IL2RA: variants seen among roughly 807,000 people sequenced by gnomAD.
IL2RA encodes the protein interleukin-2 receptor subunit alpha.
IL2RA carries 24 observed loss-of-function variants against 37.8 expected under a neutral mutation model. That is an observed-to-expected ratio of 0.63 (90% CI 0.46 to 0.89). The LOEUF is 0.89. Ranked by LOEUF, IL2RA falls within the 40% of genes least tolerant of loss-of-function variation. The pLI, the probability that IL2RA is intolerant of heterozygous loss-of-function variation, is 0.00. For missense variants in IL2RA, 319 were observed against 348.6 expected, an observed-to-expected ratio of 0.92 and a Z score of 0.68; for synonymous variants, 125 against 114.6, an observed-to-expected ratio of 1.09 and a Z score of -0.58.
At position 6,056,155 on chromosome 10, in the gene IL2RA, C is replaced by T. The variant is rs968101814; in HGVS notation, c.64+5933G>A. 2.0e-5 allele frequency among the ~76,000 whole-genome samples: 3 copies of T among 152,118 alleles called. No individual in the cohort carries two copies. The highest frequency in any genetic ancestry group is 7.2e-5 in the African/African-American group (3 of 41,424). ...TTACTTGAGAATATGGTGGGGTATT[C>T]AGTGGGGGCTATTGGCAAACACTGT... On this transcript the variant is annotated intron_variant, in intron 1 of 7. Transcript: ENST00000379959. The surrounding 1 kb of genome is among the most constrained non-coding windows in gnomAD (Gnocchi z 5.0).
rs998052781 is a variant in IL2RA, at chr10:6,020,750, C to T, written c.583+728G>A. ...GTTTCACCATGTTGGCCAGGCTGGT[C>T]TCGAACTCCTGACCTAAAGTGATCT... On this transcript the variant is annotated intron_variant, in intron 4 of 7. Transcript: ENST00000379959. This position sits in a 1 kb window ranked among gnomAD's most constrained non-coding sequence, Gnocchi z 5.6. Among the ~76,000 whole-genome samples, 2 of 152,148 alleles carry T rather than the reference C, an allele frequency of 1.3e-5. No homozygotes were observed. Among genetic ancestry groups the T allele is most frequent in the Non-Finnish European group, 2.9e-5 (2 of 68,028 alleles).
intron 1 of IL2RA, among the ~76,000 whole-genome samples, chr10:6,027,679 G>A (rs940616752): frequency 6.6e-6 from 1 of 152,130 alleles, no homozygotes; most frequent in African/African-American, 2.4e-5. Flanking sequence ...GAAAATAACA[G>A]GTATGGAATA....
At chr10:6,043,506 T>C (rs1839804555) in intron 1 of IL2RA, among the ~76,000 whole-genome samples, 1 of 152,200 alleles carries the variant, frequency 6.6e-6, no homozygotes, top group South Asian at 2.1e-4. Flanking sequence ...TGGCGAGATC[T>C]GGGCTCACTG....
chr10:6,027,645 C>A (rs910259661), intron 1 of IL2RA, among the ~76,000 whole-genome samples: 2 of 152,286 alleles, frequency 1.3e-5, no homozygotes, highest in Admixed American at 1.3e-4. Context: ...AAATAATATA[C>A]TAAGGTAACT....
At chr10:6,032,275 A>G (rs983580053) in intron 1 of IL2RA, among the ~76,000 whole-genome samples, 1 of 152,226 alleles carries the variant, frequency 6.6e-6, no homozygotes, top group Non-Finnish European at 1.5e-5. Context: ...AAGATTTCAG[A>G]AGAAAATTAA....
In IL2RA at chr10:6,011,995, T is replaced by G. The variant is rs916647121; in HGVS notation, c.*877A>C. Reference sequence around the variant, plus strand: ...ACTTCTCAGGAAACGTACGCATTGATTTGCACCTTGTGTGTCCACCTGTAA... The same window carrying G: ...ACTTCTCAGGAAACGTACGCATTGAGTTGCACCTTGTGTGTCCACCTGTAA... On this transcript the variant is annotated 3_prime_UTR_variant, in exon 8 of 8. Transcript: ENST00000379959. The surrounding 1 kb of genome is among the most constrained non-coding windows in gnomAD (Gnocchi z 5.2). 2 of 152,368 alleles carry G rather than the reference T, an allele frequency of 1.3e-5. No homozygotes were observed. Among genetic ancestry groups the G allele is most frequent in the Non-Finnish European group, 2.9e-5 (2 of 68,044 alleles). 9.4% of individuals were successfully genotyped at this position (152,368 alleles called of 1,614,324 possible).
At position 6,019,444 on chromosome 10, in the gene IL2RA, T is replaced by C. The variant is rs11256354; in HGVS notation, c.711A>G (p.Thr237=). 4.2e-4 allele frequency: 673 copies of C among 1,612,908 alleles called. 6 individuals carry two copies. In the East Asian group the frequency reaches 9.8e-3, roughly 24 times the overall value. ...AATMETSIFT[T]EYQVAVAGCV... ...CCCACTCACCTGCTACCTGGTACTCTGTTGTAAATATGGACGTCTCCATGG... is the reference window on the plus strand; with the variant it reads ...CCCACTCACCTGCTACCTGGTACTCCGTTGTAAATATGGACGTCTCCATGG... The change falls in exon 6 of 8, where the codon ACA becomes ACG. Residue 237 remains threonine, a synonymous_variant. Coordinates refer to ENST00000379959, the MANE Select transcript of IL2RA (RefSeq NM_000417.3).
intron 1 of IL2RA, among the ~76,000 whole-genome samples, chr10:6,050,965 G>A (rs1331660978): frequency 4.6e-5 from 7 of 152,190 alleles, no homozygotes; most frequent in African/African-American, 1.7e-4. Context: ...AACATCTCCA[G>A]CCAAAAGGCT....
At position 6,058,203 on chromosome 10, in the gene IL2RA, ACTT is replaced by A. The variant is rs1840076280; in HGVS notation, c.64+3882_64+3884del. ...TTTAGGCAAAAACCAGTCTGGGAAT[ACTT>A]CTCTATCAGGGGAGTGGGGTGGAGT... On this transcript the variant is annotated intron_variant, in intron 1 of 7. Coordinates refer to ENST00000379959, the MANE Select transcript of IL2RA (RefSeq NM_000417.3). This position sits in a 1 kb window ranked among gnomAD's most constrained non-coding sequence, Gnocchi z 4.2. 6.6e-6 allele frequency among the ~76,000 whole-genome samples: 1 copy of A among 152,178 alleles called. No individual in the cohort carries two copies. The highest frequency in any genetic ancestry group is 1.9e-4 in the East Asian group (1 of 5,206).
Position 6,056,719 on chromosome 10 carries a change from G to T in IL2RA, c.64+5369C>A, listed in dbSNP as rs1036615069. On this transcript the variant is annotated intron_variant, in intron 1 of 7. Coordinates refer to ENST00000379959, the MANE Select transcript of IL2RA (RefSeq NM_000417.3). The surrounding 1 kb of genome is among the most constrained non-coding windows in gnomAD (Gnocchi z 5.0). ...CAGTGAGTTGAGATTGCACCACTGTGCTCTAGCCTGGGCGACAGAGCGAAA... is the reference window on the plus strand; with the variant it reads ...CAGTGAGTTGAGATTGCACCACTGTTCTCTAGCCTGGGCGACAGAGCGAAA... Among the ~76,000 whole-genome samples the T allele has an allele frequency of 6.6e-5, 10 of 151,884 alleles. No individual in the cohort carries two copies. Among genetic ancestry groups the T allele is most frequent in the Non-Finnish European group, 2.9e-5 (2 of 67,968 alleles).
chr10:6,032,679 C>T (rs1291636417), intron 1 of IL2RA, among the ~76,000 whole-genome samples: 8 of 128,858 alleles, frequency 6.2e-5, no homozygotes, highest in East Asian at 4.3e-4. Flanking sequence ...GGTGACAGAG[C>T]GAGACTCCAT....
In IL2RA at chr10:6,015,338, C is replaced by T. The variant is rs900274305; in HGVS notation, c.795-2442G>A. On this transcript the variant is annotated intron_variant, in intron 7 of 7. Transcript: ENST00000379959. The surrounding 1 kb of genome is among the most constrained non-coding windows in gnomAD (Gnocchi z 4.9). ...AAACTCCTGACCTCAAGTAATCCGC[C>T]TGCCTCGGCCTCCCAAAGTGCTGGG... is the stretch of plus-strand genomic sequence containing the variant. Among the ~76,000 whole-genome samples the T allele has an allele frequency of 2.0e-5, 3 of 152,132 alleles. No individual in the cohort carries two copies. The highest frequency in any genetic ancestry group is 4.4e-5 in the Non-Finnish European group (3 of 68,030).
intron 1 of IL2RA, among the ~76,000 whole-genome samples, chr10:6,030,937 A>T (rs951280692): frequency 6.6e-6 from 1 of 152,136 alleles, no homozygotes; most frequent in Admixed American, 6.5e-5. Flanking sequence ...TAAGTTAAGG[A>T]TTCATGCTGA....
chr10:6,041,690 G>A (rs1372794600), intron 1 of IL2RA, among the ~76,000 whole-genome samples: 1 of 152,126 alleles, frequency 6.6e-6, no homozygotes, highest in African/African-American at 2.4e-5. Flanking sequence ...CCTGCACAAG[G>A]TCTATTTTTG....
rs1267999448 is a variant in IL2RA, at chr10:6,010,968, T to C, written c.*1904A>G. 2 of 152,336 alleles carry C rather than the reference T, an allele frequency of 1.3e-5. No individual in the cohort carries two copies. The highest frequency in any genetic ancestry group is 2.9e-5 in the Non-Finnish European group (2 of 68,034). 9.4% of individuals were successfully genotyped at this position (152,336 alleles called of 1,614,324 possible). A position where few individuals can be genotyped will look rare whatever the true frequency, so the allele number is the denominator to read the frequency against. The stretch of plus-strand genomic sequence containing the variant: ...TCTGGTCTGAGATTCTTTTCAACTT[T>C]ACTCAGAAAACATATACCTGAAGGG... On this transcript the variant is annotated 3_prime_UTR_variant, in exon 8 of 8. Transcript: ENST00000379959.
Position 6,025,735 on chromosome 10 carries a change from C to T in IL2RA, c.256+99G>A. On this transcript the variant is annotated intron_variant, in intron 2 of 7. Transcript: ENST00000379959. This position sits in a 1 kb window ranked among gnomAD's most constrained non-coding sequence, Gnocchi z 4.4. ...TTAGTTATCCTGTAGACTGGACTGGCCCATTTGTGTCTATAGGGCTGAGTG... is the reference window on the plus strand; with the variant it reads ...TTAGTTATCCTGTAGACTGGACTGGTCCATTTGTGTCTATAGGGCTGAGTG... The T allele has an allele frequency of 1.8e-6, 2 of 1,106,526 alleles. No homozygotes were observed. Among genetic ancestry groups the T allele is most frequent in the Middle Eastern group, 2.5e-4 (1 of 3,992 alleles). The allele number at this position is 1,106,526 out of a possible 1,614,324, so 68.5% of individuals were successfully genotyped here. A position where few individuals can be genotyped will look rare whatever the true frequency, so the allele number is the denominator to read the frequency against.
chr10:6,038,361 G>A (rs1357032726), intron 1 of IL2RA, among the ~76,000 whole-genome samples: 1 of 152,226 alleles, frequency 6.6e-6, no homozygotes, highest in African/African-American at 2.4e-5. Flanking sequence ...AGAAGTCAGA[G>A]GGCCCAGGCC....
intron 1 of IL2RA, among the ~76,000 whole-genome samples, chr10:6,031,494 G>GTATATA (rs61619651): frequency 3.6e-5 from 1 of 27,476 alleles, no homozygotes; most frequent in Non-Finnish European, 8.7e-5. Flanking sequence ...ATATATATAT[G>GTATATA]TATATATATA....
At chr10:6,026,790 A>G (rs1839490554) in intron 1 of IL2RA, among the ~76,000 whole-genome samples, 1 of 152,158 alleles carries the variant, frequency 6.6e-6, no homozygotes, top group Non-Finnish European at 1.5e-5. Context: ...GGACGGGGAG[A>G]TGACAGGGAC....
Sources: allele counts gnomAD v4.1 joint callset (sites outside exome capture counted in the v4.1 genomes callset), GRCh38; gene constraint gnomAD v4.1.1; non-coding constraint Gnocchi (gnomAD v3.1); transcripts MANE v1.5; gene names NCBI Gene and HGNC (gene_info 2026-07-23, HGNC 2026-07-21).